Variants in DMRT1 observed in about 807,000 individuals in gnomAD.
DMRT1 encodes the protein doublesex- and mab-3-related transcription factor 1.
In DMRT1, 7 loss-of-function variants were observed where a neutral mutation model predicts 32.3. The ratio of observed to expected loss-of-function variants is 0.22; its 90% CI spans 0.12 to 0.41. The LOEUF is 0.41. Ranked by LOEUF, DMRT1 falls within the 10% of genes least tolerant of loss-of-function variation. The probability of loss-of-function intolerance (pLI) is 1.00; values close to 1 mark genes in which losing one functional copy is unlikely to be tolerated. For synonymous variants in DMRT1, 278 were observed against 206.1 expected (o/e 1.35, Z -2.99); for missense variants, 625 against 500.5 (o/e 1.25, Z -2.37).
At chr9:843,496 G>A (rs1005871864) in intron 1 of DMRT1, among the ~76,000 whole-genome samples, 1 of 152,210 alleles carries the variant, frequency 6.6e-6, no homozygotes. Flanking sequence ...ATATGCGCAG[G>A]TGGAAAAAAG....
chr9:861,380 G>T (rs1229044046), intron 2 of DMRT1, among the ~76,000 whole-genome samples: 3 of 152,092 alleles, frequency 2.0e-5, no homozygotes, highest in Non-Finnish European at 4.4e-5. Flanking sequence ...GCACGGGGTT[G>T]GGGGTAAGGT....
intron 3 of DMRT1, among the ~76,000 whole-genome samples, chr9:915,304 G>T (rs1318184185): frequency 2.6e-5 from 4 of 152,166 alleles, no homozygotes; most frequent in Non-Finnish European, 5.9e-5. Flanking sequence ...TACACAATCA[G>T]AGTCATCAGG....
chr9:889,022 A>G (rs1051863940), intron 2 of DMRT1, among the ~76,000 whole-genome samples: 1 of 151,632 alleles, frequency 6.6e-6, no homozygotes, highest in Non-Finnish European at 1.5e-5. Flanking sequence ...GCTGGGCGCC[A>G]TTCTCGGGGT....
intron 3 of DMRT1, among the ~76,000 whole-genome samples, chr9:903,352 A>T (rs57926428): frequency 0.17 from 25,926 of 151,238 alleles, 2,533 homozygotes; most frequent in African/African-American, 0.26. Context: ...CTCACCTACC[A>T]GCACTTTCAC....
In DMRT1 at chr9:916,781, C is replaced by G. The variant is rs376670316; in HGVS notation, c.841C>G (p.Arg281Gly). 1 of 1,614,004 alleles carries G rather than the reference C, an allele frequency of 6.2e-7. No homozygotes were observed. Among genetic ancestry groups the G allele is most frequent in the Non-Finnish European group, 8.5e-7 (1 of 1,180,018 alleles). ...NQWQMKNMEN[R>G]HAMSSQYRMH... ...TAAGCAGATGAAGAACATGGAGAACCGCCATGCAATGAGCTCCCAGTACAG... is the reference window on the plus strand; with the variant it reads ...TAAGCAGATGAAGAACATGGAGAACGGCCATGCAATGAGCTCCCAGTACAG... The change falls in exon 4 of 5, where the codon CGC becomes GGC. Residue 281 changes from arginine (R) to glycine (G), a missense_variant. Physicochemically the swap from Arg to Gly is moderately radical, Grantham distance 125. This residue lies in a region of DMRT1 where 416 missense variants were observed against 321.6 expected (regional missense o/e 1.29). Coordinates refer to ENST00000382276, the MANE Select transcript of DMRT1 (RefSeq NM_021951.3).
At chr9:923,121 C>A (rs955503907) in intron 4 of DMRT1, among the ~76,000 whole-genome samples, 1 of 152,182 alleles carries the variant, frequency 6.6e-6, no homozygotes, top group African/African-American at 2.4e-5. Context: ...GGGTAGCTTG[C>A]ACCTCAGGGA....
intron 4 of DMRT1, among the ~76,000 whole-genome samples, chr9:926,708 A>G (rs1274649825): frequency 1.3e-5 from 2 of 152,174 alleles, no homozygotes; most frequent in Admixed American, 6.5e-5. Context: ...AGAGAGAGAG[A>G]GAGAGAGAGA....
intron 4 of DMRT1, among the ~76,000 whole-genome samples, chr9:943,449 G>A (rs1464572753): frequency 2.0e-5 from 3 of 152,230 alleles, no homozygotes; most frequent in Admixed American, 6.5e-5. Context: ...GAGAATGAGA[G>A]TTGGCACCAG....
At chr9:949,921 G>C (rs1819374400) in intron 4 of DMRT1, among the ~76,000 whole-genome samples, 1 of 152,154 alleles carries the variant, frequency 6.6e-6, no homozygotes, top group Non-Finnish European at 1.5e-5. Flanking sequence ...ATATTCCACT[G>C]TATGCATATA....
chr9:859,464 C>T (rs1026623467), intron 2 of DMRT1, among the ~76,000 whole-genome samples: 5 of 152,112 alleles, frequency 3.3e-5, no homozygotes, highest in South Asian at 2.1e-4. Flanking sequence ...TGCTCTCTCA[C>T]GGAGTCTTGA....
intron 4 of DMRT1, among the ~76,000 whole-genome samples, chr9:932,553 G>GT (rs551401076): frequency 6.6e-6 from 1 of 152,096 alleles, no homozygotes; most frequent in African/African-American, 2.4e-5. Flanking sequence ...GTAATGAGAG[G>GT]TTTTTTTCCT....
intron 2 of DMRT1, among the ~76,000 whole-genome samples, chr9:853,606 G>A (rs2132557856): frequency 6.6e-6 from 1 of 150,958 alleles, no homozygotes; most frequent in South Asian, 2.1e-4. Context: ...CTGAATAGCT[G>A]GGATTACAGG....
intron 1 of DMRT1, among the ~76,000 whole-genome samples, chr9:846,480 A>G (rs16924786): frequency 0.15 from 22,144 of 151,804 alleles, 1,906 homozygotes; most frequent in East Asian, 0.38. Flanking sequence ...CTTCTGACCC[A>G]CTCTACTCTT....
chr9:923,738 G>A (rs1027654659), intron 4 of DMRT1, among the ~76,000 whole-genome samples: 5 of 152,174 alleles, frequency 3.3e-5, no homozygotes, highest in African/African-American at 1.2e-4. Flanking sequence ...TTCTCAGCCA[G>A]TAGGATAGAA....
intron 3 of DMRT1, among the ~76,000 whole-genome samples, chr9:902,146 G>A (rs946083345): frequency 1.3e-5 from 2 of 151,734 alleles, no homozygotes; most frequent in Non-Finnish European, 2.9e-5. Flanking sequence ...CTGACCTCAG[G>A]TGATCCGCCC....
intron 3 of DMRT1, 52 bp downstream of exon 3, chr9:894,247 A>C (rs778210347): frequency 7.6e-6 from 12 of 1,585,486 alleles, no homozygotes; most frequent in Non-Finnish European, 1.0e-5. Flanking sequence ...AGCCACATGC[A>C]TGTGCACACA....
intron 4 of DMRT1, among the ~76,000 whole-genome samples, chr9:962,928 A>AT (rs1819821695): frequency 6.6e-6 from 1 of 152,128 alleles, no homozygotes; most frequent in South Asian, 2.1e-4. Flanking sequence ...AACCTCTGAC[A>AT]TGCTGTAGAA....
At chr9:934,766 G>T (rs753522060) in intron 4 of DMRT1, among the ~76,000 whole-genome samples, 5 of 152,146 alleles carry the variant, frequency 3.3e-5, no homozygotes, top group Non-Finnish European at 5.9e-5. Context: ...CCATTAAATG[G>T]TCTTGGTGCC....
intron 3 of DMRT1, among the ~76,000 whole-genome samples, chr9:900,159 C>A (rs1456934424): frequency 7.1e-6 from 1 of 140,582 alleles, no homozygotes; most frequent in African/African-American, 2.5e-5. Context: ...ATTGCCTAAA[C>A]CTTTCTACAG....
Sources: gnomAD v4.1 joint callset for allele counts (sites outside exome capture counted in the v4.1 genomes callset) on GRCh38, gnomAD v4.1.1 for gene constraint, gnomAD v4.1.1 regional missense constraint, MANE v1.5 for transcripts, NCBI Gene and HGNC (gene_info 2026-07-23, HGNC 2026-07-21) for gene names.